The following DIP2C variants were observed in gnomAD, a reference collection of about 807,000 sequenced individuals.
The protein encoded by DIP2C is disco-interacting protein 2 homolog C.
In DIP2C, 33 loss-of-function variants were observed where a neutral mutation model predicts 192.4. The ratio of observed to expected loss-of-function variants is 0.17; its 90% CI spans 0.13 to 0.23. The LOEUF is 0.23. Ranked by LOEUF, DIP2C falls within the 10% of genes least tolerant of loss-of-function variation. The pLI is 1.00. For synonymous variants in DIP2C, 979 were observed against 864.1 expected, an observed-to-expected ratio of 1.13 and a Z score of -2.33; for missense variants, 1,537 against 2,110.1, an observed-to-expected ratio of 0.73 and a Z score of 5.32.
chr10:496,690 G>A (rs575179866), intron 1 of DIP2C, among the ~76,000 whole-genome samples: 6 of 149,640 alleles, frequency 4.0e-5, no homozygotes, highest in Non-Finnish European at 5.9e-5. Flanking sequence ...TACATTACTC[G>A]CAATACCCCA....
intron 1 of DIP2C, among the ~76,000 whole-genome samples, chr10:533,906 G>A (rs1228180897): frequency 2.0e-5 from 3 of 151,948 alleles, no homozygotes; most frequent in Admixed American, 1.3e-4. Context: ...TGGTTTACAG[G>A]AAGCATTCTC....
intron 1 of DIP2C, among the ~76,000 whole-genome samples, chr10:679,947 C>G (rs1461874131): frequency 6.6e-6 from 1 of 152,166 alleles, no homozygotes; most frequent in Non-Finnish European, 1.5e-5. Context: ...CGGCTATTTA[C>G]CAAGCAGGGC....
At chr10:354,332 G>C (rs1432253607) in intron 24 of DIP2C, among the ~76,000 whole-genome samples, 8 of 152,166 alleles carry the variant, frequency 5.3e-5, no homozygotes, top group Non-Finnish European at 8.8e-5. Flanking sequence ...CAGCTATGCA[G>C]GTGACCACAG....
chr10:545,999 G>A (rs1052806383), intron 1 of DIP2C, among the ~76,000 whole-genome samples: 4 of 152,110 alleles, frequency 2.6e-5, no homozygotes, highest in Non-Finnish European at 4.4e-5. Context: ...TCATGAGGCC[G>A]GGCATGGTGG....
rs138844787 is a variant in DIP2C at position 624,875 on chromosome 10, C to CGG, written c.85+64617_85+64618dup. Among the ~76,000 whole-genome samples, 6 of 151,302 alleles carry CGG rather than the reference C, an allele frequency of 4.0e-5. No individual in the cohort carries two copies. In the South Asian group the frequency reaches 8.5e-4, roughly 21 times the overall value. ...AGGTGTGCATGTGGCCGGGAGAACC[C>CGG]GGGGGGGGAGCCGCACTGGGGACAG... On this transcript the variant is annotated intron_variant, in intron 1 of 36. Transcript: ENST00000280886.
chr10:520,516 T>C (rs1239548607), intron 1 of DIP2C, among the ~76,000 whole-genome samples: 3 of 152,204 alleles, frequency 2.0e-5, no homozygotes, highest in East Asian at 1.9e-4. Flanking sequence ...TGGAAGGAGT[T>C]TGGGTTTTCC....
At chr10:546,436 T>A (rs1848291623) in intron 1 of DIP2C, among the ~76,000 whole-genome samples, 1 of 152,216 alleles carries the variant, frequency 6.6e-6, no homozygotes, top group South Asian at 2.1e-4. Context: ...TCTCTGCACC[T>A]CGGACAGCAG....
At chr10:669,532 T>C (rs1157393970) in intron 1 of DIP2C, 2 of 152,242 alleles carry the variant, frequency 1.3e-5, no homozygotes, top group African/African-American at 4.8e-5. Context: ...ATTCACAATG[T>C]AGAGTGATGA....
chr10:342,853 CTGTG>C (rs1564585021), intron 28 of DIP2C, among the ~76,000 whole-genome samples: 1 of 152,160 alleles, frequency 6.6e-6, no homozygotes, highest in Non-Finnish European at 1.5e-5. Flanking sequence ...CCCCTACAGT[CTGTG>C]TGTAATGTCA....
At chr10:296,893 TGGGGGGA>T (rs1554808499) in intron 32 of DIP2C, among the ~76,000 whole-genome samples, 1 of 65,692 alleles carries the variant, frequency 1.5e-5, no homozygotes, top group Non-Finnish European at 2.7e-5. Context: ...TGTTGTGGGG[TGGGGGGA>T]GGGGGGAGGG....
chr10:562,742 A>AT (rs2131474551), intron 1 of DIP2C, among the ~76,000 whole-genome samples: 1 of 152,338 alleles, frequency 6.6e-6, no homozygotes, highest in South Asian at 2.1e-4. Context: ...AGCTTTTCAT[A>AT]TATTTAACCA....
intron 1 of DIP2C, among the ~76,000 whole-genome samples, chr10:530,932 T>A (rs938322960): frequency 2.6e-5 from 4 of 152,140 alleles, no homozygotes; most frequent in East Asian, 1.9e-4. Context: ...CCACGGGACC[T>A]TGGCAGACTC....
intron 31 of DIP2C, among the ~76,000 whole-genome samples, chr10:316,766 C>T (rs1249755722): frequency 6.6e-6 from 1 of 152,230 alleles, no homozygotes; most frequent in Non-Finnish European, 1.5e-5. Flanking sequence ...ACTTTTAGGA[C>T]TCCCCTGGGA....
intron 4 of DIP2C, among the ~76,000 whole-genome samples, chr10:438,080 A>G (rs777040795): frequency 4.6e-5 from 7 of 152,282 alleles, no homozygotes; most frequent in Non-Finnish European, 7.3e-5. Context: ...ATGAAAATTT[A>G]CAGAAGGTTT....
At chr10:297,753 C>A (rs764333984) in intron 32 of DIP2C, among the ~76,000 whole-genome samples, 1 of 152,040 alleles carries the variant, frequency 6.6e-6, no homozygotes, top group Non-Finnish European at 1.5e-5. Context: ...TCTGTACCAC[C>A]GCAGGATGAC....
rs1243944091 is a variant in DIP2C, at chr10:573,816, T to C, written c.86-87286A>G. Among the ~76,000 whole-genome samples the C allele has an allele frequency of 3.9e-5, 6 of 152,274 alleles. No homozygotes were observed. The East Asian group carries it at 9.6e-4, about 24-fold the overall frequency. On this transcript the variant is annotated intron_variant, in intron 1 of 36. Transcript: ENST00000280886. ...AAGAGAAAGAAACCATTAACACGTT[T>C]TACACATCTCAAAACTCACAAATGA...
chr10:615,225 G>A (rs903238193), intron 1 of DIP2C, among the ~76,000 whole-genome samples: 1 of 152,208 alleles, frequency 6.6e-6, no homozygotes, highest in African/African-American at 2.4e-5. Context: ...CCAACGATCG[G>A]GGAAGAAATG....
At chr10:539,525 C>A (rs941575876) in intron 1 of DIP2C, among the ~76,000 whole-genome samples, 2 of 152,156 alleles carry the variant, frequency 1.3e-5, no homozygotes, top group Non-Finnish European at 2.9e-5. Flanking sequence ...TATCCATAGG[C>A]AGTCCTGCAA....
chr10:604,584 G>A lies in DIP2C; in HGVS notation c.85+84910C>T, dbSNP rs115393438. 3.4e-3 allele frequency among the ~76,000 whole-genome samples: 513 copies of A among 152,348 alleles called. 3 individuals carry two copies. Among genetic ancestry groups the A allele is most frequent in the African/African-American group, 0.012 (489 of 41,576 alleles). Reference sequence around the variant, plus strand: ...ACACGCACCCTGGGCCCAAGTTTAAGATCAAATATAAGGAGCTTTCAACTT... The same window carrying A: ...ACACGCACCCTGGGCCCAAGTTTAAAATCAAATATAAGGAGCTTTCAACTT... On this transcript the variant is annotated intron_variant, in intron 1 of 36. Coordinates refer to ENST00000280886, the MANE Select transcript of DIP2C (RefSeq NM_014974.3).
Sources: allele counts gnomAD v4.1 joint callset (sites outside exome capture counted in the v4.1 genomes callset), GRCh38; gene constraint gnomAD v4.1.1; transcripts MANE v1.5; gene names NCBI Gene and HGNC (gene_info 2026-07-23, HGNC 2026-07-21).